GSK3B: variants seen among roughly 807,000 people sequenced by gnomAD.
The protein encoded by GSK3B is glycogen synthase kinase 3 beta.
Under a neutral mutation model 56.4 loss-of-function variants are expected in GSK3B, and 15 were observed. The observed-to-expected ratio is 0.27, with a 90% CI of 0.18 to 0.41. The LOEUF (loss-of-function observed/expected upper bound fraction) is 0.41, where lower values mean the gene tolerates loss of function less well. GSK3B is among the 10% of genes least tolerant of loss of function. GSK3B has a pLI of 1.00. For synonymous variants in GSK3B, 181 were observed against 188.9 expected (o/e 0.96, Z 0.34); for missense variants, 300 against 513.4 (o/e 0.58, Z 4.02).
At chr3:119,874,376 TAATAA>T (rs2056283769) in intron 8 of GSK3B, among the ~76,000 whole-genome samples, 1 of 152,042 alleles carries the variant, frequency 6.6e-6, no homozygotes, top group Non-Finnish European at 1.5e-5. Flanking sequence ...CAATAACTAA[TAATAA>T]AATAGAATAA....
At chr3:119,828,091 C>A (rs2055543698) in intron 10 of GSK3B, among the ~76,000 whole-genome samples, 1 of 152,082 alleles carries the variant, frequency 6.6e-6, no homozygotes, top group Non-Finnish European at 1.5e-5. Context: ...AATATATACA[C>A]CTACTATGTC....
chr3:119,868,685 A>G lies in GSK3B; in HGVS notation c.910-5080T>C, dbSNP rs2056213267. On this transcript the variant is annotated intron_variant, in intron 8 of 10. Transcript: ENST00000264235. ...TGATAATTAATCTAACAGAACACAG[A>G]ACAAGAGCCATGTCTGTTCCAAATA... Among the ~76,000 whole-genome samples the G allele has an allele frequency of 2.0e-5, 3 of 152,230 alleles. No individual in the cohort carries two copies. The South Asian group carries it at 6.2e-4, about 31-fold the overall frequency.
intron 2 of GSK3B, among the ~76,000 whole-genome samples, chr3:119,957,447 G>A (rs2057226587): frequency 6.6e-6 from 1 of 152,224 alleles, no homozygotes; most frequent in Non-Finnish European, 1.5e-5. Flanking sequence ...CAGGTAATAT[G>A]ACTACTAAAG....
intron 2 of GSK3B, among the ~76,000 whole-genome samples, chr3:119,997,260 C>T (rs537915677): frequency 6.6e-6 from 1 of 152,184 alleles, no homozygotes; most frequent in Non-Finnish European, 1.5e-5. Context: ...ACGGAGGAGG[C>T]AGTGTTCAAA....
At chr3:119,931,984 A>AT (rs1161416354) in intron 3 of GSK3B, among the ~76,000 whole-genome samples, 1 of 152,214 alleles carries the variant, frequency 6.6e-6, no homozygotes, top group Non-Finnish European at 1.5e-5. Flanking sequence ...TGAGTAAGAA[A>AT]TTTAAGTGAT....
chr3:119,961,647 A>G (rs1322013370), intron 2 of GSK3B, among the ~76,000 whole-genome samples: 1 of 151,822 alleles, frequency 6.6e-6, no homozygotes, highest in Non-Finnish European at 1.5e-5. Flanking sequence ...AAAAAAAAAA[A>G]AAAGGAAAAA....
At chr3:119,834,902 G>A (rs556733403) in intron 10 of GSK3B, among the ~76,000 whole-genome samples, 3 of 152,276 alleles carry the variant, frequency 2.0e-5, no homozygotes, top group African/African-American at 7.2e-5. Flanking sequence ...GGACTGCTCT[G>A]GTGAGAATAA....
chr3:119,982,708 T>C (rs567434962), intron 2 of GSK3B, among the ~76,000 whole-genome samples: 10 of 152,278 alleles, frequency 6.6e-5, no homozygotes, highest in East Asian at 3.9e-4. Flanking sequence ...TATGGGACTA[T>C]GTGAAAAGAC....
chr3:119,848,531 T>C (rs904717653), intron 9 of GSK3B, among the ~76,000 whole-genome samples: 1 of 152,154 alleles, frequency 6.6e-6, no homozygotes, highest in Non-Finnish European at 1.5e-5. Context: ...CCATCTCCTC[T>C]AGTTCCAAAA....
chr3:120,038,252 T>C (rs1198569174), intron 1 of GSK3B, among the ~76,000 whole-genome samples: 1 of 152,208 alleles, frequency 6.6e-6, no homozygotes, highest in East Asian at 1.9e-4. Flanking sequence ...ATTTTAGTTA[T>C]CATAATTCAC....
chr3:120,066,718 T>C (rs1208438969), intron 1 of GSK3B, among the ~76,000 whole-genome samples: 1 of 152,208 alleles, frequency 6.6e-6, no homozygotes, highest in Non-Finnish European at 1.5e-5. Context: ...AAGGGCCAGA[T>C]AGTAAATATT....
chr3:119,941,255 G>T (rs530380405), intron 3 of GSK3B, among the ~76,000 whole-genome samples: 1 of 152,252 alleles, frequency 6.6e-6, no homozygotes, highest in Admixed American at 6.5e-5. Context: ...GACCCCAGGA[G>T]ATTCACCCGC....
chr3:119,987,402 A>G (rs2057526442), intron 2 of GSK3B, among the ~76,000 whole-genome samples: 1 of 152,198 alleles, frequency 6.6e-6, no homozygotes, highest in Non-Finnish European at 1.5e-5. Flanking sequence ...TAAGGAAAGT[A>G]AAATATACTT....
At chr3:119,843,386 C>T (rs1436017192) in intron 9 of GSK3B, 33 bp from the exon 10 acceptor site, 3 of 1,186,602 alleles carry the variant, frequency 2.5e-6, no homozygotes, top group Admixed American at 3.5e-5. Flanking sequence ...TGTTAGAGTC[C>T]ACTCTTAACT....
At chr3:119,859,278 A>T (rs1049783875) in intron 9 of GSK3B, among the ~76,000 whole-genome samples, 3 of 152,116 alleles carry the variant, frequency 2.0e-5, no homozygotes, top group African/African-American at 4.8e-5. Context: ...AGGTAGTTGT[A>T]ATACTATATT....
At chr3:119,959,028 A>G (rs2057243712) in intron 2 of GSK3B, among the ~76,000 whole-genome samples, 1 of 152,250 alleles carries the variant, frequency 6.6e-6, no homozygotes, top group Admixed American at 6.5e-5. Context: ...TAAGGTTTAC[A>G]CAAAAATGAT....
At chr3:119,916,935 C>G (rs1055339619) in intron 4 of GSK3B, among the ~76,000 whole-genome samples, 1 of 152,104 alleles carries the variant, frequency 6.6e-6, no homozygotes, top group Non-Finnish European at 1.5e-5. Context: ...AGTAAAGAAT[C>G]AGACTCTTGA....
chr3:119,992,821 T>A (rs1249827552), intron 2 of GSK3B, among the ~76,000 whole-genome samples: 1 of 151,950 alleles, frequency 6.6e-6, no homozygotes, highest in Non-Finnish European at 1.5e-5. Context: ...CTTGAATACA[T>A]GAAAAGATGT....
intron 2 of GSK3B, among the ~76,000 whole-genome samples, chr3:119,978,415 C>T (rs567134406): frequency 4.8e-4 from 73 of 152,342 alleles, no homozygotes; most frequent in South Asian, 1.0e-3. Flanking sequence ...TTAACGAAAT[C>T]GGCCAGGAGT....
Sources: gnomAD v4.1 joint callset for allele counts (sites outside exome capture counted in the v4.1 genomes callset) on GRCh38, gnomAD v4.1.1 for gene constraint, MANE v1.5 for transcripts, NCBI Gene and HGNC (gene_info 2026-07-23, HGNC 2026-07-21) for gene names.